The following SEMA3E variants were observed in gnomAD, a reference collection of about 807,000 sequenced individuals.
SEMA3E encodes the protein semaphorin-3E.
SEMA3E carries 49 observed loss-of-function variants against 93.6 expected under a neutral mutation model. The observed-to-expected ratio is 0.52, with a 90% CI of 0.42 to 0.66. The LOEUF is 0.66. SEMA3E is among the 30% of genes least tolerant of loss of function. SEMA3E has a pLI of 0.00. For synonymous variants in SEMA3E, 363 were observed against 330.7 expected, an observed-to-expected ratio of 1.10 and a Z score of -1.06; for missense variants, 906 against 964.8, an observed-to-expected ratio of 0.94 and a Z score of 0.81.
chr7:83,525,790 T>G (rs1450614237), intron 1 of SEMA3E, among the ~76,000 whole-genome samples: 1 of 150,584 alleles, frequency 6.6e-6, no homozygotes, highest in Non-Finnish European at 1.5e-5. Context: ...TTGGGTTTTT[T>G]TTTTTTTTTT....
At chr7:83,648,391 T>G (rs1269647363) in intron 1 of SEMA3E, 37 bp downstream of exon 1, 4 of 1,428,512 alleles carry the variant, frequency 2.8e-6, no homozygotes, top group Non-Finnish European at 9.7e-7. Context: ...TTCTTTTTTT[T>G]TTTTTTTAAA....
intron 1 of SEMA3E, among the ~76,000 whole-genome samples, chr7:83,582,135 G>T (rs1302097816): frequency 6.7e-6 from 1 of 149,802 alleles, no homozygotes; most frequent in East Asian, 2.0e-4. Flanking sequence ...TATATAAAAG[G>T]AAGAAAGACT....
At position 83,469,237 on chromosome 7, in the gene SEMA3E, A is replaced by G; in HGVS notation, c.336+6T>C. 1 of 1,601,136 alleles carries G rather than the reference A, an allele frequency of 6.2e-7. No individual in the cohort carries two copies. Among genetic ancestry groups the G allele is most frequent in the Non-Finnish European group, 8.6e-7 (1 of 1,168,730 alleles). On this transcript the variant is annotated splice_donor_region_variant and intron_variant, in intron 3 of 16. Coordinates refer to ENST00000643230, the MANE Select transcript of SEMA3E (RefSeq NM_012431.3). The stretch of plus-strand genomic sequence containing the variant: ...ATTTGTTTAATTTACAATGAATCAT[A>G]CTTACCGCATCTTTTCCCTTCATTA...
At chr7:83,422,570 A>G (rs1788687004) in intron 4 of SEMA3E, among the ~76,000 whole-genome samples, 1 of 152,194 alleles carries the variant, frequency 6.6e-6, no homozygotes, top group Non-Finnish European at 1.5e-5. Flanking sequence ...TAGATAGTAG[A>G]TCAGGGATAT....
rs878994112 is a variant in SEMA3E, at chr7:83,406,178, T to C, written c.814-119A>G. ...GACTTTTTTATTTAACTAGGAAAAT[T>C]TGGCATAATTCTCAAGTAATGTCAT... is the stretch of plus-strand genomic sequence containing the variant. On this transcript the variant is annotated intron_variant, in intron 7 of 16. Coordinates refer to ENST00000643230, the MANE Select transcript of SEMA3E (RefSeq NM_012431.3). 6.6e-5 allele frequency: 51 copies of C among 772,892 alleles called. 1 individual carries two copies. The South Asian group carries it at 7.3e-4, about 11-fold the overall frequency. The allele number at this position is 772,892 out of a possible 1,614,324, so 47.9% of individuals were successfully genotyped here. A position where few individuals can be genotyped will look rare whatever the true frequency, so the allele number is the denominator to read the frequency against.
intron 1 of SEMA3E, among the ~76,000 whole-genome samples, chr7:83,639,067 C>G (rs998840520): frequency 2.1e-5 from 3 of 139,810 alleles, no homozygotes; most frequent in Non-Finnish European, 4.6e-5. Context: ...GCCGAGATCC[C>G]GCCACTGCAC....
chr7:83,642,602 A>G (rs1794028045), intron 1 of SEMA3E, among the ~76,000 whole-genome samples: 1 of 152,204 alleles, frequency 6.6e-6, no homozygotes, highest in South Asian at 2.1e-4. Flanking sequence ...CTAAGGAATT[A>G]ATAATAACAC....
At chr7:83,409,871 T>C (rs979427258) in intron 5 of SEMA3E, among the ~76,000 whole-genome samples, 1 of 151,676 alleles carries the variant, frequency 6.6e-6, no homozygotes, top group Non-Finnish European at 1.5e-5. Context: ...CATTTTTGTA[T>C]GATTTAACAT....
intron 1 of SEMA3E, among the ~76,000 whole-genome samples, chr7:83,567,434 C>G (rs999442181): frequency 9.2e-5 from 14 of 152,136 alleles, no homozygotes; most frequent in African/African-American, 3.1e-4. Flanking sequence ...GATATTTCAT[C>G]CAACAGCTAC....
intron 1 of SEMA3E, among the ~76,000 whole-genome samples, chr7:83,647,537 T>C (rs1197380533): frequency 1.3e-5 from 2 of 152,196 alleles, no homozygotes; most frequent in Non-Finnish European, 2.9e-5. Context: ...GCAAAGTCAC[T>C]TTCTCTGAGC....
chr7:83,478,673 T>C (rs1790074034), intron 2 of SEMA3E, among the ~76,000 whole-genome samples: 1 of 152,194 alleles, frequency 6.6e-6, no homozygotes, highest in African/African-American at 2.4e-5. Flanking sequence ...CTACTGTCAC[T>C]AGCAACTAAT....
rs181330128 is a variant in SEMA3E, at chr7:83,460,835, C to A, written c.456+5647G>T. Among the ~76,000 whole-genome samples the A allele has an allele frequency of 1.4e-3, 207 of 151,516 alleles. 1 individual carries two copies. The highest frequency in any genetic ancestry group is 3.6e-3 in the African/African-American group (148 of 41,304). On this transcript the variant is annotated intron_variant, in intron 4 of 16. Transcript: ENST00000643230. Reference sequence around the variant, plus strand: ...TATCTCTGTGCCCCAACCCCTTTTCCCACTTTTCTGGAAGGTAAGAACCCC... The same window carrying A: ...TATCTCTGTGCCCCAACCCCTTTTCACACTTTTCTGGAAGGTAAGAACCCC...
intron 4 of SEMA3E, among the ~76,000 whole-genome samples, chr7:83,466,097 A>G (rs1418971758): frequency 3.3e-5 from 5 of 152,156 alleles, no homozygotes; most frequent in African/African-American, 1.2e-4. Context: ...GTAAAATATT[A>G]TATTTTATTT....
intron 4 of SEMA3E, among the ~76,000 whole-genome samples, chr7:83,434,979 C>T (rs1353623097): frequency 6.6e-6 from 1 of 152,022 alleles, no homozygotes; most frequent in Non-Finnish European, 1.5e-5. Flanking sequence ...TCCCAAAGTG[C>T]TGGGATTACA....
At chr7:83,399,776 A>G (rs943706692) in intron 11 of SEMA3E, among the ~76,000 whole-genome samples, 1 of 152,128 alleles carries the variant, frequency 6.6e-6, no homozygotes, top group Admixed American at 6.6e-5. Flanking sequence ...CTGAAAAAAA[A>G]CCACATATTT....
chr7:83,626,024 G>T (rs1793662035), intron 1 of SEMA3E, among the ~76,000 whole-genome samples: 1 of 152,172 alleles, frequency 6.6e-6, no homozygotes, highest in African/African-American at 2.4e-5. Context: ...ATTTGCATAT[G>T]TTGAACCAGC....
At chr7:83,408,047 A>G (rs1453995915) in intron 6 of SEMA3E, among the ~76,000 whole-genome samples, 1 of 152,190 alleles carries the variant, frequency 6.6e-6, no homozygotes, top group Non-Finnish European at 1.5e-5. Flanking sequence ...ATATCAATTG[A>G]TAAAAGTAGA....
intron 1 of SEMA3E, among the ~76,000 whole-genome samples, chr7:83,536,401 C>T (rs1168317114): frequency 1.3e-5 from 2 of 151,880 alleles, no homozygotes; most frequent in Admixed American, 6.6e-5. Flanking sequence ...AGTACAATTA[C>T]CTATACATTT....
In SEMA3E at chr7:83,392,650, A is replaced by T. The variant is rs1298596795; in HGVS notation, c.1572T>A (p.Ser524Arg). Residue 524 changes from serine to arginine, a missense_variant, in exon 14 of 17, where the codon AGT becomes AGA. Ser to Arg is a moderately radical substitution (Grantham distance 110). Transcript: ENST00000643230. Reference protein sequence around the residue: ...VRFHHCDMYGSACADCCLARD... With the variant: ...VRFHHCDMYGRACADCCLARD... Reference sequence around the variant, plus strand: ...GAGCCAGGCAGCAGTCAGCACAAGCACTTCCATACATGTCACAGTGATGGA... The same window carrying T: ...GAGCCAGGCAGCAGTCAGCACAAGCTCTTCCATACATGTCACAGTGATGGA... 1 of 1,613,932 alleles carries T rather than the reference A, an allele frequency of 6.2e-7. No individual in the cohort carries two copies.
Sources: gnomAD v4.1 joint callset for allele counts (sites outside exome capture counted in the v4.1 genomes callset) on GRCh38, gnomAD v4.1.1 for gene constraint, MANE v1.5 for transcripts, NCBI Gene and HGNC (gene_info 2026-07-23, HGNC 2026-07-21) for gene names.